BTG3: variants seen among roughly 807,000 people sequenced by gnomAD.
BTG3 encodes the protein protein BTG3.
BTG3 carries 4 observed loss-of-function variants against 25.8 expected under a neutral mutation model. The ratio of observed to expected loss-of-function variants is 0.16; its 90% CI spans 0.08 to 0.36. The LOEUF (loss-of-function observed/expected upper bound fraction) is 0.36, where lower values mean the gene tolerates loss of function less well. Among genes scored for constraint, BTG3 ranks in the 10% least tolerant of loss-of-function variants. The pLI, the probability that BTG3 is intolerant of heterozygous loss-of-function variation, is 1.00. For missense variants in BTG3, 201 were observed against 304.9 expected (o/e 0.66, Z 2.54); for synonymous variants, 107 against 99.9 (o/e 1.07, Z -0.42).
At position 17,604,865 on chromosome 21, in the gene BTG3, G is replaced by A; in HGVS notation, c.306C>T (p.Cys102=). The A allele has an allele frequency of 6.2e-7, 1 of 1,612,980 alleles. No homozygotes were observed. Among genetic ancestry groups the A allele is most frequent in the Non-Finnish European group, 8.5e-7 (1 of 1,179,640 alleles). The change falls in exon 3 of 5, where the codon TGC becomes TGT. Residue 102 remains cysteine (C), a synonymous_variant. Coordinates refer to ENST00000348354, the MANE Select transcript of BTG3 (RefSeq NM_006806.5). ...CTCTAAACTTGAGAACTCACCGACA[G>A]CACACCTCACATGGGTCCACCCAGA... is the stretch of plus-strand genomic sequence containing the variant. ...LTLWVDPCEV[C]CRYGEKNNAF... is the part of the protein sequence containing the mutation.
intron 3 of BTG3, among the ~76,000 whole-genome samples, chr21:17,601,478 C>T (rs2061573657): frequency 6.6e-6 from 1 of 152,128 alleles, no homozygotes; most frequent in Non-Finnish European, 1.5e-5. Context: ...GAGCTATGAT[C>T]ATGCCACCGC....
chr21:17,598,903 T>A, intron 3 of BTG3, 79 bp from the exon 4 acceptor site: 1 of 1,105,106 alleles, frequency 9.0e-7, no homozygotes, highest in Non-Finnish European at 1.3e-6. Context: ...CAAAGAGATC[T>A]GGACATGCCA....
chr21:17,596,469 G>GGAC (rs1377094529), intron 4 of BTG3, among the ~76,000 whole-genome samples: 3 of 151,916 alleles, frequency 2.0e-5, no homozygotes, highest in African/African-American at 4.8e-5. Flanking sequence ...TTTTGTGTAT[G>GGAC]GTGTCAGCTA....
At chr21:17,610,886 A>C (rs2123485985) in intron 1 of BTG3, among the ~76,000 whole-genome samples, 1 of 152,314 alleles carries the variant, frequency 6.6e-6, no homozygotes, top group East Asian at 1.9e-4. Flanking sequence ...CTTTATTCCA[A>C]GTGCAAATTC....
chr21:17,603,310 C>G (rs2061597055), intron 3 of BTG3, among the ~76,000 whole-genome samples: 1 of 152,130 alleles, frequency 6.6e-6, no homozygotes, highest in Non-Finnish European at 1.5e-5. Flanking sequence ...TTTATTTTCT[C>G]AGACCTAAAT....
rs147031316 is a variant in BTG3, at chr21:17,594,627, A to G, written c.520-295T>C. On this transcript the variant is annotated intron_variant, in intron 4 of 4. Coordinates refer to ENST00000348354, the MANE Select transcript of BTG3 (RefSeq NM_006806.5). ...ATGGAACGAATGGAAGCTTGTAAGG[A>G]CATGCTTGTTTTAGTCCAGTGGTTT... Among the ~76,000 whole-genome samples, 200 of 152,224 alleles carry G rather than the reference A, an allele frequency of 1.3e-3. 1 individual carries two copies. Among genetic ancestry groups the G allele is most frequent in the African/African-American group, 4.6e-3 (192 of 41,572 alleles).
At position 17,594,142 on chromosome 21, in the gene BTG3, T is replaced by C. The variant is rs758831872; in HGVS notation, c.710A>G (p.His237Arg). ...PVTWVPPPGM[H>R]CDRNHWINPH... ...ATTAATCCAGTGATTCCGGTCACAA[T>C]GCATTCCAGGAGGAGGTACCCATGT... Residue 237 changes from histidine to arginine, a missense_variant, in exon 5 of 5, where the codon CAT becomes CGT. His to Arg is a conservative substitution (Grantham distance 29). Transcript: ENST00000348354. 3 of 1,613,192 alleles carry C rather than the reference T, an allele frequency of 1.9e-6. No individual in the cohort carries two copies. The Admixed American group carries it at 5.0e-5, about 27-fold the overall frequency.
intron 1 of BTG3, among the ~76,000 whole-genome samples, chr21:17,610,299 A>G (rs1189430835): frequency 2.0e-5 from 3 of 152,236 alleles, no homozygotes; most frequent in Non-Finnish European, 4.4e-5. Context: ...TGAACTGTAC[A>G]TTTTAAATGG....
chr21:17,594,470 A>T, intron 4 of BTG3, 138 bp from the exon 5 acceptor site: 1 of 1,024,184 alleles, frequency 9.8e-7, no homozygotes, highest in Non-Finnish European at 1.4e-6. Context: ...TCAGGTCTAA[A>T]TACATTAAAA....
chr21:17,596,083 CCTTT>C (rs1160586183), intron 4 of BTG3, among the ~76,000 whole-genome samples: 1 of 151,890 alleles, frequency 6.6e-6, no homozygotes, highest in African/African-American at 2.4e-5. Flanking sequence ...CTCCTCCTGC[CCTTT>C]TTTTGAGATT....
intron 3 of BTG3, among the ~76,000 whole-genome samples, chr21:17,602,025 G>GAC (rs2061580726): frequency 6.6e-6 from 1 of 151,928 alleles, no homozygotes; most frequent in African/African-American, 2.4e-5. Context: ...AGAATTAGTA[G>GAC]ACACCTGGAC....
intron 4 of BTG3, among the ~76,000 whole-genome samples, chr21:17,595,697 A>C (rs1350718435): frequency 6.7e-6 from 1 of 148,220 alleles, no homozygotes; most frequent in African/African-American, 2.6e-5. Context: ...TTAAAAAAAC[A>C]ATGATACACA....
chr21:17,598,979 C>CTG, intron 3 of BTG3, 155 bp from the exon 4 acceptor site: 1 of 557,182 alleles, frequency 1.8e-6, no homozygotes, highest in Non-Finnish European at 3.1e-6. Flanking sequence ...CCTAATACAG[C>CTG]TCAATGCCAG....
At position 17,598,648 on chromosome 21, in the gene BTG3, G is replaced by A. The variant is rs147674040; in HGVS notation, c.488C>T (p.Ser163Leu). 89 of 1,613,908 alleles carry A rather than the reference G, an allele frequency of 5.5e-5. No individual in the cohort carries two copies. Among genetic ancestry groups the A allele is most frequent in the Admixed American group, 6.7e-5 (4 of 59,990 alleles). ...TSKEMEVKPS[S>L]VTAAASPVYQ... The stretch of plus-strand genomic sequence containing the variant: ...CACAGGACTTGCGGCTGCAGTCACC[G>A]AACTGGGTTTCACTTCCATTTCCTT... Residue 163 changes from serine (S) to leucine (L), a missense_variant, in exon 4 of 5, where the codon TCG becomes TTG. Ser to Leu is a moderately radical substitution (Grantham distance 145, BLOSUM62 -2). This residue lies in a region of BTG3 where 131 missense variants were observed against 129.3 expected (regional missense o/e 1.01). Transcript: ENST00000348354.
chr21:17,604,993 T>C lies in BTG3; in HGVS notation c.178A>G (p.Ile60Val), dbSNP rs1438180071. The C allele has an allele frequency of 1.2e-6, 2 of 1,613,902 alleles. No homozygotes were observed. Among genetic ancestry groups the C allele is most frequent in the Non-Finnish European group, 1.7e-6 (2 of 1,179,944 alleles). The change falls in exon 3 of 5, where the codon ATT becomes GTT. Residue 60 changes from isoleucine (I) to valine (V), a missense_variant. By Grantham distance (29) the Ile-to-Val change is conservative (BLOSUM62 3). Transcript: ENST00000348354. Reference protein sequence around the residue: ...KPSKGQAYRCIRVNKFQRVDP... With the variant: ...KPSKGQAYRCVRVNKFQRVDP... ...ACTCTCTGAAATTTATTGACACGAA[T>C]ACATCTACAACAAAGTGGAGTTACG...
At chr21:17,601,942 G>A (rs1395876391) in intron 3 of BTG3, among the ~76,000 whole-genome samples, 1 of 152,128 alleles carries the variant, frequency 6.6e-6, no homozygotes, top group Non-Finnish European at 1.5e-5. Context: ...TGGTATGAAG[G>A]CTCTCTCTTC....
chr21:17,610,634 T>C (rs9975018), intron 1 of BTG3, among the ~76,000 whole-genome samples: 6,030 of 152,332 alleles, frequency 0.04, 362 homozygotes, highest in African/African-American at 0.14. Context: ...ATGTTGTCTC[T>C]ACTCAGTGAG....
rs997518519 is a variant in BTG3 at position 17,593,908 on chromosome 21, A to G, written c.*185T>C. ...TAACTTTAATAAAATTTCTCAAACT[A>G]TATCAATATCTAAAGTGCATATATT... is the stretch of plus-strand genomic sequence containing the variant. On this transcript the variant is annotated 3_prime_UTR_variant, in exon 5 of 5. Coordinates refer to ENST00000348354, the MANE Select transcript of BTG3 (RefSeq NM_006806.5). The G allele has an allele frequency of 3.1e-5, 23 of 748,494 alleles. No individual in the cohort carries two copies. The highest frequency in any genetic ancestry group is 2.4e-4 in the South Asian group (10 of 41,788). The allele number at this position is 748,494 out of a possible 1,614,324, so 46.4% of individuals were successfully genotyped here. A position where few individuals can be genotyped will look rare whatever the true frequency, so the allele number is the denominator to read the frequency against.
intron 3 of BTG3, among the ~76,000 whole-genome samples, chr21:17,602,448 A>G (rs2061586191): frequency 6.6e-6 from 1 of 152,188 alleles, no homozygotes; most frequent in African/African-American, 2.4e-5. Context: ...TATACTTGCT[A>G]GATCAGCTTT....
Sources: allele counts gnomAD v4.1 joint callset (sites outside exome capture counted in the v4.1 genomes callset), GRCh38; gene constraint gnomAD v4.1.1; regional missense constraint gnomAD v4.1.1; transcripts MANE v1.5; gene names NCBI Gene and HGNC (gene_info 2026-07-23, HGNC 2026-07-21).